ONECUT2: variants seen among roughly 807,000 people sequenced by gnomAD.
The protein encoded by ONECUT2 is one cut domain family member 2.
A neutral mutation model predicts 27.9 loss-of-function variants in ONECUT2; 10 were observed. The observed-to-expected ratio is 0.36, with a 90% CI of 0.22 to 0.61. The LOEUF is 0.61. Ranked by LOEUF, ONECUT2 falls within the 20% of genes least tolerant of loss-of-function variation. ONECUT2 has a pLI of 0.73. For synonymous variants in ONECUT2, 334 were observed against 315.1 expected (o/e 1.06, Z -0.64); for missense variants, 686 against 721.0 (o/e 0.95, Z 0.56).
chr18:57,455,445 G>A (rs937970177), intron 1 of ONECUT2, among the ~76,000 whole-genome samples: 5 of 152,016 alleles, frequency 3.3e-5, no homozygotes, highest in Non-Finnish European at 7.4e-5. Flanking sequence ...TGTCCTAGTG[G>A]TTTCATGGCC....
At chr18:57,442,457 A>T (rs1323508849) in intron 1 of ONECUT2, among the ~76,000 whole-genome samples, 1 of 152,160 alleles carries the variant, frequency 6.6e-6, no homozygotes, top group Non-Finnish European at 1.5e-5. Context: ...TTTCTTCCTC[A>T]TCTTCCCACT....
In ONECUT2 at chr18:57,479,754, G is replaced by T. The variant is rs1456518091; in HGVS notation, c.*3031G>T. 2.6e-5 allele frequency: 4 copies of T among 152,406 alleles called. No individual in the cohort carries two copies. The highest frequency in any genetic ancestry group is 5.9e-5 in the Non-Finnish European group (4 of 68,032). The allele number at this position is 152,406 out of a possible 1,614,324, so 9.4% of individuals were successfully genotyped here. ...CTCATCTTCTGTAACTGTTGGGAAG[G>T]CTCGGTGGTCCATTTTCACCAGTTA... On this transcript the variant is annotated 3_prime_UTR_variant, in exon 2 of 2. Coordinates refer to ENST00000491143, the MANE Select transcript of ONECUT2 (RefSeq NM_004852.3).
Position 57,445,353 on chromosome 18 carries a change from C to G in ONECUT2, c.1228+8409C>G, listed in dbSNP as rs140297229. On this transcript the variant is annotated intron_variant, in intron 1 of 1. Transcript: ENST00000491143. ...CTTTTGTTGTGGAGCAGAGTAGACGCAATAGGAATTGCCAGATATTGCTCA... is the reference window on the plus strand; with the variant it reads ...CTTTTGTTGTGGAGCAGAGTAGACGGAATAGGAATTGCCAGATATTGCTCA... Among the ~76,000 whole-genome samples, 513 of 152,296 alleles carry G rather than the reference C, an allele frequency of 3.4e-3. 6 individuals carry two copies. The highest frequency in any genetic ancestry group is 0.012 in the African/African-American group (491 of 41,562).
At chr18:57,442,043 G>A (rs1312239764) in intron 1 of ONECUT2, among the ~76,000 whole-genome samples, 1 of 152,082 alleles carries the variant, frequency 6.6e-6, no homozygotes, top group African/African-American at 2.4e-5. Flanking sequence ...GTGTCCTGTG[G>A]AACACCTGCA....
chr18:57,472,907 G>A (rs2050361816), intron 1 of ONECUT2, among the ~76,000 whole-genome samples: 1 of 152,188 alleles, frequency 6.6e-6, no homozygotes, highest in African/African-American at 2.4e-5. Flanking sequence ...CTCAGCCAAT[G>A]TTTGCAGAAG....
intron 1 of ONECUT2, among the ~76,000 whole-genome samples, chr18:57,469,911 A>G (rs1257007323): frequency 1.3e-5 from 2 of 152,214 alleles, no homozygotes; most frequent in Admixed American, 1.3e-4. Context: ...GTGGCTGACA[A>G]GGAGTAGGAA....
rs1297497235 is a variant in ONECUT2, at chr18:57,436,644, C to T, written c.928C>T (p.Pro310Ser). The part of the protein sequence containing the change: ...HTQSHGPVLA[P>S]SRERPPSSSS... Reference sequence around the variant, plus strand: ...TCAGTCTCACGGGCCGGTGCTGGCACCCAGTCGCGAGCGGCCACCCTCGTC... The same window carrying T: ...TCAGTCTCACGGGCCGGTGCTGGCATCCAGTCGCGAGCGGCCACCCTCGTC... The change falls in exon 1 of 2, where the codon CCC becomes TCC. Residue 310 changes from proline (P) to serine (S), a missense_variant. Physicochemically the swap from Pro to Ser is moderately conservative, Grantham distance 74 (BLOSUM62 -1). Coordinates refer to ENST00000491143, the MANE Select transcript of ONECUT2 (RefSeq NM_004852.3). The surrounding 1 kb of genome is among the most constrained non-coding windows in gnomAD (Gnocchi z 5.9). 2.5e-6 allele frequency: 4 copies of T among 1,612,070 alleles called. No homozygotes were observed. The highest frequency in any genetic ancestry group is 1.3e-5 in the African/African-American group (1 of 74,926).
chr18:57,440,487 G>C (rs1057194778), intron 1 of ONECUT2, among the ~76,000 whole-genome samples: 1 of 152,212 alleles, frequency 6.6e-6, no homozygotes, highest in Admixed American at 6.5e-5. Flanking sequence ...CGGCCTGCCC[G>C]GAGCTGGTCT....
chr18:57,450,792 G>A (rs886790545), intron 1 of ONECUT2, among the ~76,000 whole-genome samples: 4 of 152,044 alleles, frequency 2.6e-5, no homozygotes, highest in African/African-American at 7.2e-5. Context: ...CAAGTGCTTA[G>A]GTTGTTAATA....
At chr18:57,450,143 C>T (rs1041760403) in intron 1 of ONECUT2, among the ~76,000 whole-genome samples, 1 of 152,134 alleles carries the variant, frequency 6.6e-6, no homozygotes, top group African/African-American at 2.4e-5. Context: ...TCATTCTTTT[C>T]TAGCTTCTTC....
In ONECUT2 at chr18:57,488,916, A is replaced by T. The variant is rs893072938; in HGVS notation, c.*12193A>T. On this transcript the variant is annotated 3_prime_UTR_variant, in exon 2 of 2. Transcript: ENST00000491143. Reference sequence around the variant, plus strand: ...AACCTCACTCTCTCTGGACTCCAACACTTCCCTGCAATCCTTTGGTCTTGA... The same window carrying T: ...AACCTCACTCTCTCTGGACTCCAACTCTTCCCTGCAATCCTTTGGTCTTGA... 2 of 152,304 alleles carry T rather than the reference A, an allele frequency of 1.3e-5. No individual in the cohort carries two copies. The highest frequency in any genetic ancestry group is 4.8e-5 in the African/African-American group (2 of 41,450). 9.4% of individuals were successfully genotyped at this position (152,304 alleles called of 1,614,324 possible).
At chr18:57,472,518 A>T (rs1000638317) in intron 1 of ONECUT2, among the ~76,000 whole-genome samples, 1 of 152,018 alleles carries the variant, frequency 6.6e-6, no homozygotes, top group Admixed American at 6.5e-5. Context: ...CTGCCTCATT[A>T]TTTAGGGCAT....
chr18:57,441,660 G>C (rs1792250657), intron 1 of ONECUT2, among the ~76,000 whole-genome samples: 1 of 152,240 alleles, frequency 6.6e-6, no homozygotes, highest in Non-Finnish European at 1.5e-5. Flanking sequence ...GTTGCCACTG[G>C]GCCCTGGTGA....
In ONECUT2 at chr18:57,490,704, G is replaced by A. The variant is rs1271248485; in HGVS notation, c.*13981G>A. Reference sequence around the variant, plus strand: ...CTCTTTCCAGATTCCAAAAGGACAAGAGATCAGAGAGTCACATATACGCCT... The same window carrying A: ...CTCTTTCCAGATTCCAAAAGGACAAAAGATCAGAGAGTCACATATACGCCT... On this transcript the variant is annotated 3_prime_UTR_variant, in exon 2 of 2. Transcript: ENST00000491143. 6.6e-6 allele frequency: 1 copy of A among 152,148 alleles called. No homozygotes were observed. Among genetic ancestry groups the A allele is most frequent in the Non-Finnish European group, 1.5e-5 (1 of 68,030 alleles). The allele number at this position is 152,148 out of a possible 1,614,324, so 9.4% of individuals were successfully genotyped here. A position where few individuals can be genotyped will look rare whatever the true frequency, so the allele number is the denominator to read the frequency against.
At chr18:57,444,277 A>G in intron 1 of ONECUT2, 1 of 448,592 alleles carries the variant, frequency 2.2e-6, no homozygotes, top group South Asian at 1.6e-5. Flanking sequence ...ATAGGAAACT[A>G]GGTTGACTGG....
chr18:57,446,204 C>A (rs994118921), intron 1 of ONECUT2, among the ~76,000 whole-genome samples: 2 of 152,226 alleles, frequency 1.3e-5, no homozygotes, highest in Admixed American at 1.3e-4. Flanking sequence ...CTAAAGCAAG[C>A]AATTGCACAA....
Position 57,451,726 on chromosome 18 carries a change from G to A in ONECUT2, c.1228+14782G>A, listed in dbSNP as rs182766523. ...GTGATTGGATTGGAGGGTAAAGGGCGGAAAATTCACAGCAGAGACAGGTGG... is the reference window on the plus strand; with the variant it reads ...GTGATTGGATTGGAGGGTAAAGGGCAGAAAATTCACAGCAGAGACAGGTGG... On this transcript the variant is annotated intron_variant, in intron 1 of 1. Transcript: ENST00000491143. Among the ~76,000 whole-genome samples the A allele has an allele frequency of 2.3e-3, 347 of 152,236 alleles. 2 individuals carry two copies. The highest frequency in any genetic ancestry group is 3.4e-3 in the Admixed American group (52 of 15,290).
Position 57,484,726 on chromosome 18 carries a change from C to A in ONECUT2, c.*8003C>A, listed in dbSNP as rs113658483. 1 of 152,152 alleles carries A rather than the reference C, an allele frequency of 6.6e-6. No homozygotes were observed. Among genetic ancestry groups the A allele is most frequent in the Non-Finnish European group, 1.5e-5 (1 of 68,060 alleles). The allele number at this position is 152,152 out of a possible 1,614,324, so 9.4% of individuals were successfully genotyped here. On this transcript the variant is annotated 3_prime_UTR_variant, in exon 2 of 2. Coordinates refer to ENST00000491143, the MANE Select transcript of ONECUT2 (RefSeq NM_004852.3). ...ACCTTAGGAATCATTTAGTCCAAGC[C>A]CCGGTGGCCCAGAGGAATGAAATAG...
intron 1 of ONECUT2, among the ~76,000 whole-genome samples, chr18:57,451,760 A>G (rs17831395): frequency 0.043 from 6,497 of 152,236 alleles, 588 homozygotes; most frequent in East Asian, 0.36. Flanking sequence ...GGACTTTTCT[A>G]ACTGGATAAG....
Sources: allele counts gnomAD v4.1 joint callset (sites outside exome capture counted in the v4.1 genomes callset), GRCh38; gene constraint gnomAD v4.1.1; non-coding constraint Gnocchi (gnomAD v3.1); transcripts MANE v1.5; gene names NCBI Gene and HGNC (gene_info 2026-07-23, HGNC 2026-07-21).